GBE1: variants seen among roughly 807,000 people sequenced by gnomAD.
The protein encoded by GBE1 is 1,4-alpha-glucan-branching enzyme.
Under a neutral mutation model 88.8 loss-of-function variants are expected in GBE1, and 70 were observed. The ratio of observed to expected loss-of-function variants is 0.79; its 90% CI spans 0.65 to 0.96. The LOEUF (loss-of-function observed/expected upper bound fraction) is 0.96. Among genes scored for constraint, GBE1 ranks in the 40% least tolerant of loss-of-function variants. The pLI, the probability that GBE1 is intolerant of heterozygous loss-of-function variation, is 0.00. For synonymous variants in GBE1, 284 were observed against 300.1 expected (o/e 0.95, Z 0.56); for missense variants, 872 against 871.0 (o/e 1.00, Z -0.01).
In GBE1 at chr3:81,496,151, T is replaced by A. The variant is rs924024306; in HGVS notation, c.2052+2959A>T. On this transcript the variant is annotated intron_variant, in intron 15 of 15. Transcript: ENST00000429644. ...GAATCAAAATATAGAGAAATGATTA[T>A]GCTAAAATGGAGTTTCCAATAACTG... 2.0e-5 allele frequency among the ~76,000 whole-genome samples: 3 copies of A among 152,230 alleles called. No individual in the cohort carries two copies. The East Asian group carries it at 5.8e-4, about 29-fold the overall frequency.
At chr3:81,613,520 T>C (rs1228826740) in intron 7 of GBE1, among the ~76,000 whole-genome samples, 7 of 152,040 alleles carry the variant, frequency 4.6e-5, no homozygotes, top group Non-Finnish European at 1.0e-4. Flanking sequence ...CCAACATGTA[T>C]CTGTCTATTT....
At chr3:81,609,594 C>G (rs1017245995) in intron 7 of GBE1, among the ~76,000 whole-genome samples, 1 of 150,724 alleles carries the variant, frequency 6.6e-6, no homozygotes, top group Admixed American at 6.6e-5. Flanking sequence ...TGCTTTTTTG[C>G]TTTCTTTTGT....
intron 7 of GBE1, among the ~76,000 whole-genome samples, chr3:81,622,397 T>A (rs1425863615): frequency 1.3e-5 from 2 of 152,208 alleles, no homozygotes; most frequent in Non-Finnish European, 2.9e-5. Context: ...CTTCTTAGCT[T>A]CCAGCTTCTG....
intron 7 of GBE1, among the ~76,000 whole-genome samples, chr3:81,601,845 C>T (rs1253992670): frequency 6.6e-6 from 1 of 152,070 alleles, no homozygotes; most frequent in East Asian, 1.9e-4. Context: ...ATTTTATTTA[C>T]CTATTTGTAC....
At chr3:81,570,297 T>C (rs1703555995) in intron 12 of GBE1, among the ~76,000 whole-genome samples, 1 of 152,212 alleles carries the variant, frequency 6.6e-6, no homozygotes, top group Non-Finnish European at 1.5e-5. Flanking sequence ...TAAGAATTTG[T>C]ACCATTTGTT....
chr3:81,537,148 C>A, intron 12 of GBE1, 53 bp from the exon 13 acceptor site: 1 of 1,063,962 alleles, frequency 9.4e-7, no homozygotes, highest in Admixed American at 3.8e-5. Context: ...GAATTTCTTA[C>A]TAATAATAAA....
intron 14 of GBE1, among the ~76,000 whole-genome samples, chr3:81,507,885 A>G (rs1269050841): frequency 6.6e-6 from 1 of 152,128 alleles, no homozygotes; most frequent in African/African-American, 2.4e-5. Context: ...GGATGTGCTC[A>G]TTTCTTCAAC....
chr3:81,688,985 A>G (rs1302088286), intron 2 of GBE1, among the ~76,000 whole-genome samples: 6 of 152,160 alleles, frequency 3.9e-5, no homozygotes, highest in East Asian at 1.9e-4. Flanking sequence ...CTAAAAATTC[A>G]CAAAATGCCA....
chr3:81,552,870 C>T (rs1459256523), intron 12 of GBE1, among the ~76,000 whole-genome samples: 2 of 152,102 alleles, frequency 1.3e-5, no homozygotes, highest in African/African-American at 2.4e-5. Context: ...CAATTATTAA[C>T]AGTTACTTTA....
intron 14 of GBE1, among the ~76,000 whole-genome samples, chr3:81,504,632 T>C (rs562455621): frequency 6.6e-6 from 1 of 152,268 alleles, no homozygotes; most frequent in African/African-American, 2.4e-5. Context: ...CAGGTTGAAG[T>C]AGATAAGTTT....
chr3:81,667,798 A>C (rs1258698029), intron 3 of GBE1, among the ~76,000 whole-genome samples: 1 of 152,134 alleles, frequency 6.6e-6, no homozygotes, highest in African/African-American at 2.4e-5. Context: ...GATGAAACTA[A>C]CTTGATCTTG....
intron 7 of GBE1, among the ~76,000 whole-genome samples, chr3:81,615,587 T>C (rs571710618): frequency 2.0e-5 from 3 of 152,340 alleles, no homozygotes; most frequent in South Asian, 4.1e-4. Context: ...CCTCTGGAGA[T>C]TCATTCAAGT....
chr3:81,589,764 C>A (rs1263181455), intron 9 of GBE1, among the ~76,000 whole-genome samples: 3 of 151,956 alleles, frequency 2.0e-5, no homozygotes, highest in African/African-American at 7.2e-5. Flanking sequence ...AATATCTCTG[C>A]TTTGGATTGC....
chr3:81,624,349 C>T (rs552491398), intron 7 of GBE1, among the ~76,000 whole-genome samples: 1 of 152,152 alleles, frequency 6.6e-6, no homozygotes, highest in Non-Finnish European at 1.5e-5. Context: ...AAGATGAGAT[C>T]TGGGTGAGGA....
intron 1 of GBE1, among the ~76,000 whole-genome samples, chr3:81,710,232 C>CTTTTT (rs397990331): frequency 0.021 from 1,963 of 93,054 alleles, 472 homozygotes; most frequent in African/African-American, 0.087. Context: ...GGTAATTAAT[C>CTTTTT]TTTTTTTTTT....
At chr3:81,657,813 A>G (rs1433840299) in intron 3 of GBE1, among the ~76,000 whole-genome samples, 2 of 152,146 alleles carry the variant, frequency 1.3e-5, no homozygotes, top group South Asian at 4.1e-4. Context: ...CAATTAATCA[A>G]ATAAACTTAT....
intron 14 of GBE1, among the ~76,000 whole-genome samples, chr3:81,516,545 A>T (rs530886388): frequency 6.6e-6 from 1 of 151,696 alleles, no homozygotes; most frequent in Admixed American, 6.6e-5. Context: ...CACCCTATGG[A>T]TCAAGAAGTA....
chr3:81,610,816 G>A (rs958111632), intron 7 of GBE1, among the ~76,000 whole-genome samples: 3 of 152,090 alleles, frequency 2.0e-5, no homozygotes, highest in African/African-American at 7.2e-5. Flanking sequence ...TTGAAGAACT[G>A]GATTGTGAGC....
chr3:81,664,334 C>T (rs1705078837), intron 3 of GBE1, among the ~76,000 whole-genome samples: 1 of 150,252 alleles, frequency 6.7e-6, no homozygotes. Context: ...ATAAGGTTCA[C>T]ATGAGCAAAG....
Sources: gnomAD v4.1 joint callset for allele counts (sites outside exome capture counted in the v4.1 genomes callset) on GRCh38, gnomAD v4.1.1 for gene constraint, MANE v1.5 for transcripts, NCBI Gene and HGNC (gene_info 2026-07-23, HGNC 2026-07-21) for gene names.